DDX31: variants seen among roughly 807,000 people sequenced by gnomAD.
DDX31 encodes the protein DEAD-box helicase 31, also known as ATP-dependent DNA helicase DDX31.
DDX31 carries 70 observed loss-of-function variants against 91.3 expected under a neutral mutation model. The ratio of observed to expected loss-of-function variants is 0.77; its 90% confidence interval spans 0.63 to 0.94. DDX31 has a LOEUF of 0.94. Among genes scored for constraint, DDX31 ranks in the 40% least tolerant of loss-of-function variants. The probability of loss-of-function intolerance (pLI) is 0.00; values close to 1 mark genes in which losing one functional copy is unlikely to be tolerated. For synonymous variants in DDX31, 362 were observed against 350.6 expected (o/e 1.03, Z -0.36); for missense variants, 902 against 925.0 (o/e 0.98, Z 0.32).
chr9:132,664,211 T>C (rs757270756), intron 1 of DDX31, among the ~76,000 whole-genome samples: 17 of 152,240 alleles, frequency 1.1e-4, no homozygotes, highest in Non-Finnish European at 2.9e-5. Flanking sequence ...AGAACAAGCT[T>C]ACTTCCTCTT....
intron 18 of DDX31, among the ~76,000 whole-genome samples, chr9:132,618,083 G>T (rs946339750): frequency 6.6e-6 from 1 of 152,160 alleles, no homozygotes; most frequent in Non-Finnish European, 1.5e-5. Flanking sequence ...CTCTAGTCCC[G>T]ATATAAGCCA....
chr9:132,644,538 A>G (rs576450757), intron 13 of DDX31, among the ~76,000 whole-genome samples: 2 of 152,332 alleles, frequency 1.3e-5, no homozygotes, highest in South Asian at 2.1e-4. Context: ...GCACAGCTAT[A>G]AACAGCACGC....
intron 1 of DDX31, among the ~76,000 whole-genome samples, chr9:132,668,505 C>T (rs940938752): frequency 6.6e-6 from 1 of 151,900 alleles, no homozygotes; most frequent in African/African-American, 2.4e-5. Context: ...TATGAGTGAC[C>T]ATGGCCCATG....
At chr9:132,629,967 A>G (rs1467057588) in intron 16 of DDX31, among the ~76,000 whole-genome samples, 1 of 152,262 alleles carries the variant, frequency 6.6e-6, no homozygotes, top group Non-Finnish European at 1.5e-5. Context: ...GAGTCCTTTC[A>G]GAAGCTGCGA....
At chr9:132,668,370 T>C (rs1441621595) in intron 1 of DDX31, among the ~76,000 whole-genome samples, 3 of 152,156 alleles carry the variant, frequency 2.0e-5, no homozygotes, top group Non-Finnish European at 4.4e-5. Flanking sequence ...ATCTGTCCCA[T>C]TTTTGAAAGC....
At chr9:132,648,402 T>C (rs1590071855) in intron 10 of DDX31, 30 bp downstream of exon 10, 2 of 1,611,382 alleles carry the variant, frequency 1.2e-6, no homozygotes, top group Non-Finnish European at 1.7e-6. Context: ...CCTTCTCTTC[T>C]ACCTGTTATC....
chr9:132,618,716 C>G (rs1001412022), intron 17 of DDX31, among the ~76,000 whole-genome samples: 2 of 152,180 alleles, frequency 1.3e-5, no homozygotes, highest in Admixed American at 1.3e-4. Context: ...AAATCAAAGA[C>G]CATTGGAGAC....
At chr9:132,602,568 G>A (rs1021855764) in intron 19 of DDX31, among the ~76,000 whole-genome samples, 31 of 152,128 alleles carry the variant, frequency 2.0e-4, no homozygotes, top group Non-Finnish European at 4.4e-5. Context: ...GCACTGTACC[G>A]TTCTGCTTCC....
At chr9:132,597,685 G>A (rs1432206759) in intron 19 of DDX31, among the ~76,000 whole-genome samples, 4 of 152,154 alleles carry the variant, frequency 2.6e-5, no homozygotes, top group Non-Finnish European at 5.9e-5. Flanking sequence ...CAGGCAGTGC[G>A]CCCGTGCTCC....
At chr9:132,637,126 A>G (rs1328540115) in intron 14 of DDX31, among the ~76,000 whole-genome samples, 1 of 152,038 alleles carries the variant, frequency 6.6e-6, no homozygotes, top group Non-Finnish European at 1.5e-5. Context: ...CTCCTCTTCC[A>G]TCATATCTCA....
intron 5 of DDX31, among the ~76,000 whole-genome samples, 191 bp downstream of exon 5, chr9:132,659,519 C>T (rs1266541947): frequency 2.6e-5 from 4 of 152,162 alleles, no homozygotes; most frequent in Admixed American, 2.0e-4. Context: ...CATTTCTCAT[C>T]GTGGTACCAT....
At chr9:132,650,576 G>A (rs1176536853) in intron 8 of DDX31, among the ~76,000 whole-genome samples, 2 of 152,204 alleles carry the variant, frequency 1.3e-5, no homozygotes, top group African/African-American at 4.8e-5. Context: ...TTTTCCCACA[G>A]AGCCTGAACT....
intron 18 of DDX31, among the ~76,000 whole-genome samples, chr9:132,615,056 C>T (rs188508154): frequency 3.9e-5 from 6 of 152,164 alleles, no homozygotes; most frequent in East Asian, 1.9e-4. Context: ...CCCACACAAG[C>T]GGAAGGTGGA....
intron 19 of DDX31, among the ~76,000 whole-genome samples, chr9:132,611,772 C>A (rs535345590): frequency 6.6e-6 from 1 of 152,124 alleles, no homozygotes; most frequent in East Asian, 1.9e-4. Context: ...ACAAGGTATG[C>A]TCCCAGGCCT....
intron 1 of DDX31, among the ~76,000 whole-genome samples, chr9:132,664,694 G>A (rs900424600): frequency 2.1e-5 from 3 of 139,762 alleles, no homozygotes; most frequent in African/African-American, 8.0e-5. Context: ...TCCAGCCTGG[G>A]TGACAGAGTA....
At position 132,651,104 on chromosome 9, in the gene DDX31, T is replaced by C; in HGVS notation, c.646A>G (p.Ser216Gly). The part of the protein sequence containing the change: ...LVPTRELALQ[S>G]FDTVQKLLKP... ...AGCAGTTTCTGGACAGTGTCAAAGC[T>C]TTGTAGAGCTAGCTGTAAAAATTTT... Residue 216 changes from serine to glycine, a missense_variant, in exon 8 of 20, where the codon AGC becomes GGC. Ser to Gly is a moderately conservative substitution (Grantham distance 56). Transcript: ENST00000372159. The C allele has an allele frequency of 6.2e-7, 1 of 1,611,076 alleles. No individual in the cohort carries two copies. Among genetic ancestry groups the C allele is most frequent in the Non-Finnish European group, 8.5e-7 (1 of 1,179,088 alleles).
In DDX31 at chr9:132,659,856, G is replaced by T. The variant is rs1187637652; in HGVS notation, c.453-76C>A. 5.0e-6 allele frequency: 7 copies of T among 1,413,560 alleles called. No individual in the cohort carries two copies. The East Asian group carries it at 1.4e-4, about 29-fold the overall frequency. 87.6% of individuals were successfully genotyped at this position (1,413,560 alleles called of 1,614,324 possible). On this transcript the variant is annotated intron_variant, in intron 4 of 19. Coordinates refer to ENST00000372159, the MANE Select transcript of DDX31 (RefSeq NM_022779.9). ...GGCAGAGACGCAGGATACATAAAAG[G>T]CAACTGCCCACACTTGGATTCATCT...
At chr9:132,645,863 T>G in intron 13 of DDX31, 32 bp downstream of exon 13, 1 of 1,588,392 alleles carries the variant, frequency 6.3e-7, no homozygotes, top group South Asian at 1.1e-5. Flanking sequence ...GGGGCCGCAG[T>G]GTTGTCGCTG....
chr9:132,636,965 G>C (rs552448477), intron 14 of DDX31, among the ~76,000 whole-genome samples: 1 of 152,264 alleles, frequency 6.6e-6, no homozygotes, highest in South Asian at 2.1e-4. Context: ...TGAGGTTGTT[G>C]CTAAGATCAA....
Sources: allele counts gnomAD v4.1 joint callset (sites outside exome capture counted in the v4.1 genomes callset), GRCh38; gene constraint gnomAD v4.1.1; transcripts MANE v1.5; gene names NCBI Gene and HGNC (gene_info 2026-07-23, HGNC 2026-07-21).